The following CAPZA2 variants were observed in gnomAD, a reference collection of about 807,000 sequenced individuals.
CAPZA2 encodes capping actin protein of muscle Z-line subunit alpha 2, also known as F-actin-capping protein subunit alpha-2.
Under a neutral mutation model 44.0 loss-of-function variants are expected in CAPZA2, and 13 were observed. That is an observed-to-expected ratio of 0.30 (90% CI 0.19 to 0.47). The LOEUF (loss-of-function observed/expected upper bound fraction) is 0.47, where lower values mean the gene tolerates loss of function less well. CAPZA2 is among the 20% of genes least tolerant of loss of function. The pLI, the probability that CAPZA2 is intolerant of heterozygous loss-of-function variation, is 1.00. For synonymous variants in CAPZA2, 94 were observed against 108.2 expected (o/e 0.87, Z 0.81); for missense variants, 244 against 338.6 (o/e 0.72, Z 2.19).
chr7:116,863,226 C>G (rs1796441001), intron 1 of CAPZA2, among the ~76,000 whole-genome samples: 2 of 152,124 alleles, frequency 1.3e-5, no homozygotes, highest in Non-Finnish European at 1.5e-5. Flanking sequence ...TTTCCCTTTC[C>G]CCATGGAGGC....
intron 3 of CAPZA2, among the ~76,000 whole-genome samples, chr7:116,895,548 C>T (rs181833127): frequency 6.1e-4 from 92 of 151,886 alleles, no homozygotes; most frequent in African/African-American, 1.8e-3. Context: ...TTGAGGACAT[C>T]GGTAATTGTG....
chr7:116,917,806 C>G lies in CAPZA2; in HGVS notation c.800C>G (p.Thr267Ser), dbSNP rs1156830159. Residue 267 changes from threonine (T) to serine (S), a missense_variant, in exon 10 of 10, where the codon ACT becomes AGT. Thr to Ser is a moderately conservative substitution (Grantham distance 58). Coordinates refer to ENST00000361183, the MANE Select transcript of CAPZA2 (RefSeq NM_006136.3). Reference sequence around the variant, plus strand: ...CGTCGACAGTTGCCAGTTACACGCACTAAGATTGATTGGAACAAGATCCTT... The same window carrying G: ...CGTCGACAGTTGCCAGTTACACGCAGTAAGATTGATTGGAACAAGATCCTT... Reference protein sequence around the residue: ...ALRRQLPVTRTKIDWNKILSY... With the variant: ...ALRRQLPVTRSKIDWNKILSY... The G allele has an allele frequency of 3.7e-6, 6 of 1,611,900 alleles. No homozygotes were observed. The African/African-American group carries it at 4.0e-5, about 11-fold the overall frequency.
At chr7:116,883,828 G>A (rs1796727926) in intron 1 of CAPZA2, among the ~76,000 whole-genome samples, 1 of 152,176 alleles carries the variant, frequency 6.6e-6, no homozygotes, top group Non-Finnish European at 1.5e-5. Context: ...AGCTCAACTA[G>A]TTAAATGCAT....
chr7:116,868,382 G>C (rs551975190), intron 1 of CAPZA2, among the ~76,000 whole-genome samples: 1 of 152,268 alleles, frequency 6.6e-6, no homozygotes, highest in South Asian at 2.1e-4. Flanking sequence ...GAAATTTTGT[G>C]TGTGTAAAAA....
At chr7:116,885,164 C>G (rs1026325090) in intron 1 of CAPZA2, among the ~76,000 whole-genome samples, 2 of 152,026 alleles carry the variant, frequency 1.3e-5, no homozygotes, top group Admixed American at 1.3e-4. Context: ...AATATTTTCT[C>G]CAGTTTGTAA....
chr7:116,867,580 CTCT>C (rs1288662225), intron 1 of CAPZA2, among the ~76,000 whole-genome samples: 1 of 133,112 alleles, frequency 7.5e-6, no homozygotes, highest in African/African-American at 2.7e-5. Flanking sequence ...CCATTTCTCT[CTCT>C]TTTTTTTTTT....
intron 4 of CAPZA2, among the ~76,000 whole-genome samples, chr7:116,901,438 C>T (rs527513439): frequency 6.6e-6 from 1 of 152,176 alleles, no homozygotes; most frequent in African/African-American, 2.4e-5. Context: ...CACATGTTCT[C>T]ACTTATTAGT....
In CAPZA2 at chr7:116,904,235, G is replaced by A. The variant is rs1016456262; in HGVS notation, c.278G>A (p.Arg93Lys). The change falls in exon 5 of 10, where the codon AGA (arginine) becomes AAA (lysine). Residue 93 changes from arginine (R) to lysine (K), a missense_variant. By Grantham distance (26) the Arg-to-Lys change is conservative. Transcript: ENST00000361183. ...GNGKFLDPKN[R>K]ICFKFDHLRK... The stretch of plus-strand genomic sequence containing the variant: ...GGAAAGTTTTTGGATCCAAAGAACA[G>A]AATCTGTTTTAAATTTGATCACTTA... The A allele has an allele frequency of 1.9e-6, 3 of 1,613,906 alleles. No homozygotes were observed. The highest frequency in any genetic ancestry group is 2.7e-5 in the African/African-American group (2 of 75,022).
At position 116,918,243 on chromosome 7, in the gene CAPZA2, T is replaced by G. The variant is rs551153254; in HGVS notation, c.*376T>G. ...TAATTTTTGATATTTCCCCAGTTCT[T>G]TTTAATGGGGTCAATAATGGACATT... is the stretch of plus-strand genomic sequence containing the variant. On this transcript the variant is annotated 3_prime_UTR_variant, in exon 10 of 10. Coordinates refer to ENST00000361183, the MANE Select transcript of CAPZA2 (RefSeq NM_006136.3). 156 of 178,296 alleles carry G rather than the reference T, an allele frequency of 8.7e-4. 2 individuals are homozygous for G. The South Asian group carries it at 0.015, about 17-fold the overall frequency. The allele number at this position is 178,296 out of a possible 1,614,324, so 11.0% of individuals were successfully genotyped here.
chr7:116,867,304 T>A (rs1050220650), intron 1 of CAPZA2, among the ~76,000 whole-genome samples: 1 of 152,200 alleles, frequency 6.6e-6, no homozygotes, highest in Non-Finnish European at 1.5e-5. Flanking sequence ...TCTGTTATAT[T>A]TGCCACTGTT....
chr7:116,892,336 G>T (rs1796856506), intron 2 of CAPZA2, among the ~76,000 whole-genome samples: 1 of 152,094 alleles, frequency 6.6e-6, no homozygotes, highest in Non-Finnish European at 1.5e-5. Flanking sequence ...AGAAAATACA[G>T]TAAGACTAGA....
chr7:116,875,262 A>G (rs1051632209), intron 1 of CAPZA2: 1 of 152,146 alleles, frequency 6.6e-6, no homozygotes, highest in Non-Finnish European at 1.5e-5. Context: ...CAAATGGCAA[A>G]GTGTTCATTT....
At chr7:116,880,377 A>C (rs2115898613) in intron 1 of CAPZA2, among the ~76,000 whole-genome samples, 1 of 152,192 alleles carries the variant, frequency 6.6e-6, no homozygotes, top group African/African-American at 2.4e-5. Context: ...TGTGAACTGC[A>C]GCAATGCCTA....
At chr7:116,882,377 T>G (rs1267534559) in intron 1 of CAPZA2, among the ~76,000 whole-genome samples, 2 of 152,196 alleles carry the variant, frequency 1.3e-5, no homozygotes, top group Admixed American at 6.5e-5. Flanking sequence ...GTTAGTTTAT[T>G]TCTTTATGCC....
At chr7:116,876,846 G>T (rs1391678499) in intron 1 of CAPZA2, among the ~76,000 whole-genome samples, 1 of 152,188 alleles carries the variant, frequency 6.6e-6, no homozygotes, top group African/African-American at 2.4e-5. Context: ...ACACCACGCA[G>T]GCCCACATGG....
Position 116,870,646 on chromosome 7 carries a change from AC to A in CAPZA2, c.39+8000del, listed in dbSNP as rs553691014. ...AGAATGTCTCCTGGTGGACAGATTC[AC>A]CCCTTGTTGAGACCCATGAGTCTAG... On this transcript the variant is annotated intron_variant, in intron 1 of 9. Coordinates refer to ENST00000361183, the MANE Select transcript of CAPZA2 (RefSeq NM_006136.3). 2.0e-3 allele frequency among the ~76,000 whole-genome samples: 304 copies of A among 152,246 alleles called. 1 individual carries two copies. Among genetic ancestry groups the A allele is most frequent in the Middle Eastern group, 0.017 (5 of 294 alleles).
chr7:116,893,479 G>T (rs976072852), intron 3 of CAPZA2, among the ~76,000 whole-genome samples: 1 of 152,160 alleles, frequency 6.6e-6, no homozygotes, highest in African/African-American at 2.4e-5. Context: ...TGCACATCAA[G>T]TTCAAATGTG....
chr7:116,884,165 A>T (rs1796733220), intron 1 of CAPZA2, among the ~76,000 whole-genome samples: 1 of 152,202 alleles, frequency 6.6e-6, no homozygotes, highest in African/African-American at 2.4e-5. Flanking sequence ...GCCTTTTTAA[A>T]ATTGCTATTT....
rs922116578 is a variant in CAPZA2 at position 116,920,329 on chromosome 7, A to T, written c.*2462A>T. 3 of 152,180 alleles carry T rather than the reference A, an allele frequency of 2.0e-5. No individual in the cohort carries two copies. Among genetic ancestry groups the T allele is most frequent in the African/African-American group, 7.2e-5 (3 of 41,440 alleles). 9.4% of individuals were successfully genotyped at this position (152,180 alleles called of 1,614,324 possible). On this transcript the variant is annotated 3_prime_UTR_variant, in exon 10 of 10. Coordinates refer to ENST00000361183, the MANE Select transcript of CAPZA2 (RefSeq NM_006136.3). ...AGAGTATCCTATAGCTCAGGGATGTAATTTTAGTAGGAGACATTATGGCTG... is the reference window on the plus strand; with the variant it reads ...AGAGTATCCTATAGCTCAGGGATGTTATTTTAGTAGGAGACATTATGGCTG...
Sources: allele counts gnomAD v4.1 joint callset (sites outside exome capture counted in the v4.1 genomes callset), GRCh38; gene constraint gnomAD v4.1.1; transcripts MANE v1.5; gene names NCBI Gene and HGNC (gene_info 2026-07-23, HGNC 2026-07-21).